PARVA: variants seen among roughly 807,000 people sequenced by gnomAD.
PARVA encodes the protein parvin alpha.
PARVA carries 25 observed loss-of-function variants against 52.6 expected under a neutral mutation model. The observed-to-expected ratio is 0.48, with a 90% CI of 0.35 to 0.66. The LOEUF (loss-of-function observed/expected upper bound fraction) is 0.66, where lower values mean the gene tolerates loss of function less well. Among genes scored for constraint, PARVA ranks in the 30% least tolerant of loss-of-function variants. PARVA has a pLI of 0.01. For missense variants in PARVA, 373 were observed against 450.9 expected (o/e 0.83, Z 1.56); for synonymous variants, 185 against 179.1 (o/e 1.03, Z -0.26).
intron 6 of PARVA, among the ~76,000 whole-genome samples, chr11:12,505,659 T>TC (rs1427788423): frequency 6.6e-6 from 1 of 152,176 alleles, no homozygotes; most frequent in East Asian, 1.9e-4. Context: ...GTCCTAAATG[T>TC]CCTCGTTATT....
chr11:12,513,135 C>G (rs773790924), intron 8 of PARVA, 164 bp from the exon 9 acceptor site: 2 of 735,968 alleles, frequency 2.7e-6, no homozygotes, highest in Admixed American at 3.8e-5. Flanking sequence ...CAAATCTTAG[C>G]CCCAAATCAC....
Position 12,535,061 on chromosome 11 carries a change from C to G in PARVA, c.*7136C>G, listed in dbSNP as rs1941817823. Among the ~76,000 whole-genome samples, 1 of 152,218 alleles carries G rather than the reference C, an allele frequency of 6.6e-6. No individual in the cohort carries two copies. The highest frequency in any genetic ancestry group is 1.5e-5 in the Non-Finnish European group (1 of 68,034). On this transcript the variant is annotated 3_prime_UTR_variant, in exon 13 of 13. Transcript: ENST00000334956. ...TCATCTCTTCTCTGTTCTGAGCTCT[C>G]TGATCCACTGCACTTGGGGCAGGGG...
intron 5 of PARVA, among the ~76,000 whole-genome samples, chr11:12,501,976 C>T (rs544502292): frequency 1.4e-4 from 21 of 152,218 alleles, no homozygotes; most frequent in East Asian, 3.9e-4. Context: ...CCCTCAGTGA[C>T]GCCAGGTGGT....
At chr11:12,470,376 C>T (rs938383093) in intron 1 of PARVA, among the ~76,000 whole-genome samples, 1 of 152,240 alleles carries the variant, frequency 6.6e-6, no homozygotes, top group Admixed American at 6.5e-5. Context: ...CATATATTAA[C>T]TCATTTAGTC....
At chr11:12,388,608 T>TA (rs1411373152) in intron 1 of PARVA, among the ~76,000 whole-genome samples, 1 of 152,214 alleles carries the variant, frequency 6.6e-6, no homozygotes, top group Non-Finnish European at 1.5e-5. Context: ...GAAAAATAGA[T>TA]AAAACCGTTG....
In PARVA at chr11:12,417,429, G is replaced by T. The variant is rs2896611; in HGVS notation, c.136+39646G>T. On this transcript the variant is annotated intron_variant, in intron 1 of 12. Coordinates refer to ENST00000334956, the MANE Select transcript of PARVA (RefSeq NM_018222.5). ...AAACAGTATTTATATATTTGTAAGG[G>T]TATATATGTAAAAATATATATGTTT... 2.3e-3 allele frequency among the ~76,000 whole-genome samples: 346 copies of T among 152,190 alleles called. 1 individual carries two copies. Among genetic ancestry groups the T allele is most frequent in the African/African-American group, 8.1e-3 (336 of 41,502 alleles).
chr11:12,435,310 C>T (rs1173603259), intron 1 of PARVA, among the ~76,000 whole-genome samples: 2 of 152,184 alleles, frequency 1.3e-5, no homozygotes, highest in African/African-American at 4.8e-5. Context: ...TAGTTCCCAT[C>T]CTTTTCCCCT....
At chr11:12,476,988 C>G (rs367965353) in intron 3 of PARVA, 1 of 152,168 alleles carries the variant, frequency 6.6e-6, no homozygotes, top group African/African-American at 2.4e-5. Context: ...GGATTGAGTA[C>G]AAAGGGACCT....
At chr11:12,435,470 A>G (rs996117727) in intron 1 of PARVA, among the ~76,000 whole-genome samples, 2 of 152,228 alleles carry the variant, frequency 1.3e-5, no homozygotes, top group African/African-American at 4.8e-5. Context: ...CTTCCGGTCT[A>G]TTTCTAAGTC....
chr11:12,494,901 A>G (rs1249177109), intron 4 of PARVA, among the ~76,000 whole-genome samples: 1 of 152,230 alleles, frequency 6.6e-6, no homozygotes, highest in African/African-American at 2.4e-5. Context: ...CTGAGCCAAG[A>G]TAAGACCAGA....
intron 5 of PARVA, among the ~76,000 whole-genome samples, chr11:12,500,068 T>C (rs74863202): frequency 0.028 from 4,322 of 152,224 alleles, 130 homozygotes; most frequent in East Asian, 0.12. Context: ...TTAGGATAAA[T>C]ACCTAAGAGT....
At chr11:12,458,412 T>C (rs1374683333) in intron 1 of PARVA, among the ~76,000 whole-genome samples, 1 of 152,234 alleles carries the variant, frequency 6.6e-6, no homozygotes, top group Admixed American at 6.5e-5. Flanking sequence ...CTCAGCAGCA[T>C]GGGCTTGCCA....
chr11:12,469,141 A>G (rs1177949328), intron 1 of PARVA, among the ~76,000 whole-genome samples: 1 of 152,170 alleles, frequency 6.6e-6, no homozygotes, highest in African/African-American at 2.4e-5. Context: ...TTTTATACCG[A>G]AGTTCAAGGA....
At chr11:12,443,217 G>A (rs1035647263) in intron 1 of PARVA, among the ~76,000 whole-genome samples, 1 of 134,602 alleles carries the variant, frequency 7.4e-6, no homozygotes, top group Non-Finnish European at 1.6e-5. Flanking sequence ...CTGTCGTCAG[G>A]TTGGAGTGCA....
chr11:12,524,272 C>T (rs1564871147), intron 12 of PARVA, among the ~76,000 whole-genome samples: 1 of 152,132 alleles, frequency 6.6e-6, no homozygotes, highest in Non-Finnish European at 1.5e-5. Context: ...AGGTATTGCC[C>T]AATTTTACCA....
Position 12,534,376 on chromosome 11 carries a change from C to A in PARVA, c.*6451C>A, listed in dbSNP as rs1223067576. ...CAGAATGATGCTTCTCCTCGGTGGA[C>A]CCCCTGGGCTGAGCAGCCTGTGTTC... On this transcript the variant is annotated 3_prime_UTR_variant, in exon 13 of 13. Coordinates refer to ENST00000334956, the MANE Select transcript of PARVA (RefSeq NM_018222.5). 2.0e-5 allele frequency among the ~76,000 whole-genome samples: 3 copies of A among 152,146 alleles called. No individual in the cohort carries two copies. Among genetic ancestry groups the A allele is most frequent in the African/African-American group, 7.2e-5 (3 of 41,428 alleles).
rs539550421 is a variant in PARVA, at chr11:12,519,629, G to A, written c.1042+1112G>A. ...CATAAGGACCAGGTAGGGCTTTGGTGTATGGAGACTGGGAGAGAAGTGTGT... is the reference window on the plus strand; with the variant it reads ...CATAAGGACCAGGTAGGGCTTTGGTATATGGAGACTGGGAGAGAAGTGTGT... On this transcript the variant is annotated intron_variant, in intron 12 of 12. Coordinates refer to ENST00000334956, the MANE Select transcript of PARVA (RefSeq NM_018222.5). Among the ~76,000 whole-genome samples, 12 of 152,330 alleles carry A rather than the reference G, an allele frequency of 7.9e-5. No individual in the cohort carries two copies. In the South Asian group the frequency reaches 2.3e-3, roughly 29 times the overall value.
upstream of PARVA, chr11:12,377,428 C>T: frequency 2.2e-6 from 3 of 1,373,922 alleles, no homozygotes; most frequent in Non-Finnish European, 2.8e-6. Flanking sequence ...GCGCAAGGCG[C>T]GGCCCCGGGA....
At chr11:12,411,711 T>A (rs1939994869) in intron 1 of PARVA, among the ~76,000 whole-genome samples, 1 of 152,202 alleles carries the variant, frequency 6.6e-6, no homozygotes, top group Non-Finnish European at 1.5e-5. Flanking sequence ...GTTAGCAGAT[T>A]ATGGATGACC....
Sources: gnomAD v4.1 joint callset for allele counts (sites outside exome capture counted in the v4.1 genomes callset) on GRCh38, gnomAD v4.1.1 for gene constraint, MANE v1.5 for transcripts, NCBI Gene and HGNC (gene_info 2026-07-23, HGNC 2026-07-21) for gene names.